EIPR1: variants seen among roughly 807,000 people sequenced by gnomAD.
EIPR1 encodes EARP complex and GARP complex interacting protein 1, also known as EARP and GARP complex-interacting protein 1.
Under a neutral mutation model 48.1 loss-of-function variants are expected in EIPR1, and 25 were observed. That is an observed-to-expected ratio of 0.52 (90% CI 0.38 to 0.73). The LOEUF is 0.73. EIPR1 is among the 30% of genes least tolerant of loss of function. The pLI, the probability that EIPR1 is intolerant of heterozygous loss-of-function variation, is 0.00. For missense variants in EIPR1, 415 were observed against 506.2 expected (o/e 0.82, Z 1.73); for synonymous variants, 204 against 201.9 (o/e 1.01, Z -0.09).
chr2:3,233,501 T>C (rs1666306003), intron 4 of EIPR1, among the ~76,000 whole-genome samples: 1 of 152,188 alleles, frequency 6.6e-6, no homozygotes, highest in African/African-American at 2.4e-5. Flanking sequence ...GAATGTGCAT[T>C]TCCCCCGGCA....
intron 3 of EIPR1, among the ~76,000 whole-genome samples, chr2:3,311,138 T>C (rs141983750): frequency 1.3e-5 from 2 of 152,298 alleles, no homozygotes; most frequent in African/African-American, 4.8e-5. Flanking sequence ...ACAAGGTTAC[T>C]ACTTACTTAG....
chr2:3,306,483 A>C (rs1278866980), intron 3 of EIPR1, among the ~76,000 whole-genome samples: 1 of 152,206 alleles, frequency 6.6e-6, no homozygotes, highest in Non-Finnish European at 1.5e-5. Flanking sequence ...ACACAACTGA[A>C]AAATCTGTGT....
chr2:3,355,920 G>A (rs1670713926), intron 1 of EIPR1, among the ~76,000 whole-genome samples: 1 of 152,134 alleles, frequency 6.6e-6, no homozygotes, highest in African/African-American at 2.4e-5. Flanking sequence ...ACAACCAACA[G>A]AAAAACGGCT....
chr2:3,357,439 G>A (rs1325344968), intron 1 of EIPR1, among the ~76,000 whole-genome samples: 1 of 152,208 alleles, frequency 6.6e-6, no homozygotes, highest in African/African-American at 2.4e-5. Flanking sequence ...CTATATTTGA[G>A]TCCTTGTGGA....
At chr2:3,206,194 T>C (rs1665229308) in intron 5 of EIPR1, among the ~76,000 whole-genome samples, 1 of 152,154 alleles carries the variant, frequency 6.6e-6, no homozygotes, top group Non-Finnish European at 1.5e-5. Context: ...CCCAGGCTCT[T>C]GTGGTGGGAT....
intron 5 of EIPR1, among the ~76,000 whole-genome samples, chr2:3,211,121 C>T (rs1207860629): frequency 6.6e-6 from 1 of 152,060 alleles, no homozygotes; most frequent in Non-Finnish European, 1.5e-5. Context: ...GAACCTAAAA[C>T]GAAAGTTTAA....
chr2:3,366,792 C>A (rs181383189), intron 1 of EIPR1, among the ~76,000 whole-genome samples: 1 of 152,188 alleles, frequency 6.6e-6, no homozygotes, highest in African/African-American at 2.4e-5. Context: ...CGGTGGCTCA[C>A]GCCTGTAATC....
intron 2 of EIPR1, among the ~76,000 whole-genome samples, chr2:3,342,797 C>T (rs981436446): frequency 6.6e-6 from 1 of 152,220 alleles, no homozygotes; most frequent in Non-Finnish European, 1.5e-5. Flanking sequence ...GGTCTTTAAC[C>T]TTCATTGCTA....
At chr2:3,292,371 G>A (rs1668395700) in intron 3 of EIPR1, among the ~76,000 whole-genome samples, 1 of 152,252 alleles carries the variant, frequency 6.6e-6, no homozygotes, top group South Asian at 2.1e-4. Flanking sequence ...CGCTGTTGGG[G>A]GGACAGCCCC....
At chr2:3,316,418 T>C (rs953959362) in intron 3 of EIPR1, among the ~76,000 whole-genome samples, 6 of 152,230 alleles carry the variant, frequency 3.9e-5, no homozygotes, top group African/African-American at 1.2e-4. Context: ...TATCTATTTA[T>C]TTATTTATTT....
At chr2:3,240,447 C>A (rs1210088132) in intron 4 of EIPR1, among the ~76,000 whole-genome samples, 5 of 133,254 alleles carry the variant, frequency 3.8e-5, no homozygotes, top group East Asian at 2.3e-4. Context: ...CTTCCTAAAG[C>A]AAAGCAGGAG....
intron 2 of EIPR1, among the ~76,000 whole-genome samples, chr2:3,345,781 C>T (rs976975123): frequency 2.0e-5 from 3 of 152,120 alleles, no homozygotes; most frequent in Non-Finnish European, 2.9e-5. Flanking sequence ...TCTCTTTACA[C>T]GGATGCACAT....
rs746254067 is a variant in EIPR1 at position 3,196,890 on chromosome 2, C to T, written c.644G>A (p.Arg215Gln). The T allele has an allele frequency of 8.7e-6, 14 of 1,613,194 alleles. No homozygotes were observed. Among genetic ancestry groups the T allele is most frequent in the Admixed American group, 1.7e-5 (1 of 59,950 alleles). Reference protein sequence around the residue: ...NDTTLRGWDTRSMSQIYCIEN... With the variant: ...NDTTLRGWDTQSMSQIYCIEN... ...GGGTGGGCTCACTGACCTCATGCTC[C>T]GGGTGTCCCAGCCACGGAGGGTGGT... Residue 215 changes from arginine (R) to glutamine (Q), a missense_variant, in exon 6 of 9, where the codon CGG (arginine) becomes CAG (glutamine). Arg to Gln is a conservative substitution (Grantham distance 43, BLOSUM62 1). Coordinates refer to ENST00000382125, the MANE Select transcript of EIPR1 (RefSeq NM_003310.5).
At chr2:3,255,976 C>T (rs775838948) in intron 4 of EIPR1, among the ~76,000 whole-genome samples, 9 of 152,154 alleles carry the variant, frequency 5.9e-5, no homozygotes, top group Non-Finnish European at 1.3e-4. Context: ...ATCCTGCATT[C>T]GGGCGGGGAG....
At chr2:3,259,970 C>T (rs1667275624) in intron 3 of EIPR1, among the ~76,000 whole-genome samples, 1 of 152,140 alleles carries the variant, frequency 6.6e-6, no homozygotes, top group Non-Finnish European at 1.5e-5. Context: ...TAATACAAAT[C>T]TTTTCAAGAA....
chr2:3,231,027 C>A (rs942783252), intron 4 of EIPR1, among the ~76,000 whole-genome samples: 3 of 152,148 alleles, frequency 2.0e-5, no homozygotes, highest in Admixed American at 2.0e-4. Flanking sequence ...TTTCTTCCAC[C>A]AATGTTTTAT....
chr2:3,289,715 A>G (rs561652312), intron 3 of EIPR1, among the ~76,000 whole-genome samples: 144 of 152,348 alleles, frequency 9.5e-4, no homozygotes, highest in Non-Finnish European at 1.6e-3. Context: ...TCCCACAGCC[A>G]CCAGCTTCAG....
chr2:3,338,665 A>C (rs1670141487), intron 2 of EIPR1, among the ~76,000 whole-genome samples: 1 of 152,220 alleles, frequency 6.6e-6, no homozygotes, highest in African/African-American at 2.4e-5. Flanking sequence ...GGAGAGAGTG[A>C]GAAAGGGCTG....
chr2:3,329,369 T>TCCCCTGGA (rs1669816481), intron 3 of EIPR1, among the ~76,000 whole-genome samples: 1 of 151,522 alleles, frequency 6.6e-6, no homozygotes. Flanking sequence ...CAGCCTGGGC[T>TCCCCTGGA]TCCTTGGATC....
Sources: allele counts gnomAD v4.1 joint callset (sites outside exome capture counted in the v4.1 genomes callset), GRCh38; gene constraint gnomAD v4.1.1; transcripts MANE v1.5; gene names NCBI Gene and HGNC (gene_info 2026-07-23, HGNC 2026-07-21).